PRMT8: variants seen among roughly 807,000 people sequenced by gnomAD.
The protein encoded by PRMT8 is protein arginine methyltransferase 8.
PRMT8 carries 7 observed loss-of-function variants against 47.1 expected under a neutral mutation model. The ratio of observed to expected loss-of-function variants is 0.15; its 90% CI spans 0.08 to 0.28. PRMT8 has a LOEUF of 0.28. PRMT8 is among the 10% of genes least tolerant of loss of function. The pLI is 1.00. For synonymous variants in PRMT8, 188 were observed against 186.5 expected (o/e 1.01, Z -0.07); for missense variants, 237 against 505.4 (o/e 0.47, Z 5.09).
intron 1 of PRMT8, among the ~76,000 whole-genome samples, chr12:3,461,572 A>G (rs1320495287): frequency 6.6e-6 from 1 of 152,242 alleles, no homozygotes; most frequent in African/African-American, 2.4e-5. Flanking sequence ...GAAGCTGCCA[A>G]CAGCCCTGCT....
rs527736603 is a variant in PRMT8 at position 3,567,404 on chromosome 12, C to T, written c.482-1302C>T. 7.9e-5 allele frequency among the ~76,000 whole-genome samples: 12 copies of T among 152,332 alleles called. No individual in the cohort carries two copies. The South Asian group carries it at 2.5e-3, about 32-fold the overall frequency. Reference sequence around the variant, plus strand: ...TCTCATCAAAATATCAATTTCCTCCCTCACAAACACTAGAAGGGCACCCAT... The same window carrying T: ...TCTCATCAAAATATCAATTTCCTCCTTCACAAACACTAGAAGGGCACCCAT... On this transcript the variant is annotated intron_variant, in intron 4 of 9. Coordinates refer to ENST00000382622, the MANE Select transcript of PRMT8 (RefSeq NM_019854.5).
At chr12:3,475,566 C>T (rs1259324278) in intron 1 of PRMT8, among the ~76,000 whole-genome samples, 2 of 152,202 alleles carry the variant, frequency 1.3e-5, no homozygotes, top group Non-Finnish European at 2.9e-5. Flanking sequence ...GCCCTCTGTC[C>T]GCAGCGTCCT....
chr12:3,540,620 C>CCG lies in PRMT8; in HGVS notation c.90_91insCG (p.Ser31ArgfsTer36). 42 of 1,231,736 alleles carry CCG rather than the reference C, an allele frequency of 3.4e-5. No individual in the cohort carries two copies. The highest frequency in any genetic ancestry group is 4.5e-5 in the Non-Finnish European group (38 of 842,236). 76.3% of individuals were successfully genotyped at this position (1,231,736 alleles called of 1,614,324 possible). On this transcript the variant is annotated frameshift_variant, in exon 2 of 10. Transcript: ENST00000382622. LOFTEE classifies it high-confidence loss of function. ...CTTCCCCTCAGGTGAACAGCCCCCCCTCCCAGCCCCCCCAGCCCGTCGTCC... is the reference window on the plus strand; with the variant it reads ...CTTCCCCTCAGGTGAACAGCCCCCCCCGTCCCAGCCCCCCCAGCCCGTCGTCC...
intron 4 of PRMT8, among the ~76,000 whole-genome samples, chr12:3,568,062 A>G (rs1866758461): frequency 6.7e-6 from 1 of 148,620 alleles, no homozygotes; most frequent in Non-Finnish European, 1.5e-5. Flanking sequence ...ACAAGAGTGA[A>G]ACTCCGTCTC....
At chr12:3,534,999 C>T (rs577976746) in intron 1 of PRMT8, among the ~76,000 whole-genome samples, 7 of 152,376 alleles carry the variant, frequency 4.6e-5, no homozygotes, top group East Asian at 3.9e-4. Flanking sequence ...AAGTGCTTGG[C>T]GCAGCGCCTG....
intron 1 of PRMT8, among the ~76,000 whole-genome samples, chr12:3,534,729 C>T (rs1866088725): frequency 6.6e-6 from 1 of 152,214 alleles, no homozygotes; most frequent in Non-Finnish European, 1.5e-5. Context: ...CCTGCCTGGG[C>T]CAGCTGTGTT....
At chr12:3,547,240 G>A (rs540810103) in intron 2 of PRMT8, among the ~76,000 whole-genome samples, 1 of 152,082 alleles carries the variant, frequency 6.6e-6, no homozygotes, top group South Asian at 2.1e-4. Context: ...GTCTTTGCCA[G>A]GGCAATAAAG....
chr12:3,441,595 G>A lies in PRMT8; in HGVS notation c.48+60153G>A, dbSNP rs559226342. Among the ~76,000 whole-genome samples, 9 of 152,346 alleles carry A rather than the reference G, an allele frequency of 5.9e-5. No individual in the cohort carries two copies. In the South Asian group the frequency reaches 1.9e-3, roughly 32 times the overall value. ...ACAGAGGGTGCTCCGTGCTCCACATGCCTGCAGAGGAATTCATGAGGGAAT... is the reference window on the plus strand; with the variant it reads ...ACAGAGGGTGCTCCGTGCTCCACATACCTGCAGAGGAATTCATGAGGGAAT... On this transcript the variant is annotated intron_variant, in intron 1 of 9. Transcript: ENST00000452611.
In PRMT8 at chr12:3,461,921, A is replaced by G. The variant is rs181907758; in HGVS notation, c.49-78685A>G. Among the ~76,000 whole-genome samples the G allele has an allele frequency of 1.6e-3, 246 of 152,232 alleles. 4 individuals are homozygous for G. Among genetic ancestry groups the G allele is most frequent in the African/African-American group, 5.7e-3 (235 of 41,448 alleles). On this transcript the variant is annotated intron_variant, in intron 1 of 9. Transcript: ENST00000452611. Reference sequence around the variant, plus strand: ...CAAAAATAACTTTTATTTTAGGTTCAGGATTACATGTGTAGGTTATACAGA... The same window carrying G: ...CAAAAATAACTTTTATTTTAGGTTCGGGATTACATGTGTAGGTTATACAGA...
Position 3,564,820 on chromosome 12 carries a change from G to A in PRMT8, c.482-3886G>A, listed in dbSNP as rs373713569. On this transcript the variant is annotated intron_variant, in intron 4 of 9. Transcript: ENST00000382622. This position sits in a 1 kb window ranked among gnomAD's most constrained non-coding sequence, Gnocchi z 4.0. The stretch of plus-strand genomic sequence containing the variant: ...GAAAATCCTTTGCATGGAGGAGAAG[G>A]GAAGACTGCTGCTGTGTGTGCCCAC... Among the ~76,000 whole-genome samples, 6 of 152,364 alleles carry A rather than the reference G, an allele frequency of 3.9e-5. No individual in the cohort carries two copies. Among genetic ancestry groups the A allele is most frequent in the African/African-American group, 1.4e-4 (6 of 41,586 alleles).
In PRMT8 at chr12:3,553,701, C is replaced by T. The variant is rs71539441; in HGVS notation, c.468C>T (p.Asn156=). The part of the protein sequence containing the change: ...SDYSEKIIKA[N]HLDNIITIFK... ...ACTCAGAGAAGATCATTAAGGCCAA[C>T]CACTTGGACAACAGTAAGACATACC... The change falls in exon 4 of 10, where the codon AAC becomes AAT. Residue 156 remains asparagine, a synonymous_variant. Coordinates refer to ENST00000382622, the MANE Select transcript of PRMT8 (RefSeq NM_019854.5). 2.4e-5 allele frequency: 39 copies of T among 1,597,850 alleles called. No individual in the cohort carries two copies. The highest frequency in any genetic ancestry group is 3.1e-5 in the Non-Finnish European group (36 of 1,165,318).
chr12:3,392,083 T>A (rs1427654034), intron 1 of PRMT8, among the ~76,000 whole-genome samples: 1 of 152,190 alleles, frequency 6.6e-6, no homozygotes, highest in Non-Finnish European at 1.5e-5. Context: ...GTTTCTGGTA[T>A]GCAGGATGAG....
intron 1 of PRMT8, among the ~76,000 whole-genome samples, chr12:3,437,620 G>T (rs1306030051): frequency 4.2e-5 from 2 of 47,494 alleles, no homozygotes; most frequent in African/African-American, 1.3e-4. Flanking sequence ...TGTGCATTCA[G>T]GCTATATATA....
At chr12:3,513,171 G>A (rs1016204420) in intron 1 of PRMT8, among the ~76,000 whole-genome samples, 7 of 152,092 alleles carry the variant, frequency 4.6e-5, no homozygotes, top group African/African-American at 1.2e-4. Flanking sequence ...GAAAAGCGGC[G>A]GAATCTGTAA....
intron 1 of PRMT8, among the ~76,000 whole-genome samples, chr12:3,431,527 T>C (rs1864676850): frequency 2.6e-5 from 4 of 151,924 alleles, no homozygotes; most frequent in Admixed American, 2.6e-4. Context: ...CCTGGGGACA[T>C]GCATGTTTCA....
intron 1 of PRMT8, among the ~76,000 whole-genome samples, chr12:3,445,105 C>T (rs748827209): frequency 1.4e-4 from 21 of 152,230 alleles, no homozygotes; most frequent in Non-Finnish European, 2.2e-4. Context: ...GTATGGAGAC[C>T]GCTTGCTCCT....
intron 1 of PRMT8, among the ~76,000 whole-genome samples, chr12:3,440,437 G>T (rs1864788441): frequency 6.6e-6 from 1 of 151,410 alleles, no homozygotes; most frequent in African/African-American, 2.4e-5. Flanking sequence ...ACTCCAGCCT[G>T]GGAGACAGAG....
intron 1 of PRMT8, among the ~76,000 whole-genome samples, chr12:3,418,668 C>G (rs1201651133): frequency 2.0e-5 from 3 of 152,142 alleles, no homozygotes; most frequent in Non-Finnish European, 4.4e-5. Context: ...AGCTACCTCA[C>G]CCCACTTTAC....
At chr12:3,585,301 G>GGACATGA in intron 8 of PRMT8, among the ~76,000 whole-genome samples, 1 of 148,804 alleles carries the variant, frequency 6.7e-6, no homozygotes, top group Non-Finnish European at 1.5e-5. Context: ...ACCAGAAATC[G>GGACATGA]AGGACATGAT....
Sources: allele counts gnomAD v4.1 joint callset (sites outside exome capture counted in the v4.1 genomes callset), GRCh38; gene constraint gnomAD v4.1.1; non-coding constraint Gnocchi (gnomAD v3.1); transcripts MANE v1.5; gene names NCBI Gene and HGNC (gene_info 2026-07-23, HGNC 2026-07-21).